The following AFAP1L1 variants were observed in gnomAD, a reference collection of about 807,000 sequenced individuals.
AFAP1L1 encodes the protein actin filament-associated protein 1-like 1.
A neutral mutation model predicts 99.8 loss-of-function variants in AFAP1L1; 77 were observed. The observed-to-expected ratio is 0.77, with a 90% CI of 0.64 to 0.93. The LOEUF (loss-of-function observed/expected upper bound fraction) is 0.93, where lower values mean the gene tolerates loss of function less well. Ranked by LOEUF, AFAP1L1 falls within the 40% of genes least tolerant of loss-of-function variation. AFAP1L1 has a pLI of 0.00. For missense variants in AFAP1L1, 893 were observed against 996.8 expected (o/e 0.90, Z 1.40); for synonymous variants, 373 against 395.3 (o/e 0.94, Z 0.67).
At chr5:149,273,283 C>CT (rs1390581972) in intron 1 of AFAP1L1, among the ~76,000 whole-genome samples, 4 of 151,558 alleles carry the variant, frequency 2.6e-5, no homozygotes, top group Non-Finnish European at 5.9e-5. Flanking sequence ...TCTCACACCT[C>CT]TCCCCCATCT....
At chr5:149,315,634 C>T (rs1383780695) in intron 9 of AFAP1L1, 187 bp from the exon 10 acceptor site, 3 of 593,152 alleles carry the variant, frequency 5.1e-6, no homozygotes, top group Non-Finnish European at 9.2e-6. Flanking sequence ...AAAGACACAA[C>T]CATATCTAAG....
chr5:149,326,601 A>T (rs868225752), intron 15 of AFAP1L1, among the ~76,000 whole-genome samples: 29 of 151,088 alleles, frequency 1.9e-4, no homozygotes, highest in Admixed American at 3.3e-4. Flanking sequence ...GAAATTTTTT[A>T]AAATAAAAAG....
At chr5:149,292,182 C>T (rs746256966) in intron 1 of AFAP1L1, among the ~76,000 whole-genome samples, 1 of 152,194 alleles carries the variant, frequency 6.6e-6, no homozygotes, top group Non-Finnish European at 1.5e-5. Context: ...TGATAGGAGC[C>T]AATACAGGGT....
chr5:149,293,980 C>A (rs147056436), intron 1 of AFAP1L1, among the ~76,000 whole-genome samples: 1 of 152,306 alleles, frequency 6.6e-6, no homozygotes, highest in Non-Finnish European at 1.5e-5. Flanking sequence ...AAGCAAGACT[C>A]CATGCTCCAG....
chr5:149,325,207 T>C (rs1757063247), intron 15 of AFAP1L1, among the ~76,000 whole-genome samples: 1 of 152,202 alleles, frequency 6.6e-6, no homozygotes. Context: ...TTGCTAAATC[T>C]TAGTAAGAAC....
At position 149,312,188 on chromosome 5, in the gene AFAP1L1, A is replaced by G. The variant is rs1445399067; in HGVS notation, c.1004A>G (p.Lys335Arg). ...EVPRSPVLLC[K>R]LDLDKRLSQE... ...CCCAGATCCCCAGTCCTCCTGTGCA[A>G]GTTGGACCTGGACAAGGTATATCTG... The change falls in exon 9 of 19, where the codon AAG becomes AGG. Residue 335 changes from lysine to arginine, a missense_variant. By Grantham distance (26) the Lys-to-Arg change is conservative (BLOSUM62 2). Coordinates refer to ENST00000296721, the MANE Select transcript of AFAP1L1 (RefSeq NM_152406.4). 1.9e-6 allele frequency: 3 copies of G among 1,614,162 alleles called. No homozygotes were observed. Among genetic ancestry groups the G allele is most frequent in the Middle Eastern group, 1.7e-4 (1 of 6,058 alleles).
intron 18 of AFAP1L1, among the ~76,000 whole-genome samples, chr5:149,338,816 G>A (rs1276478853): frequency 3.9e-5 from 6 of 152,188 alleles, no homozygotes; most frequent in Non-Finnish European, 8.8e-5. Flanking sequence ...GGAGTGTGAG[G>A]GAGAAACCCA....
chr5:149,299,725 C>A, intron 2 of AFAP1L1, 88 bp downstream of exon 2: 1 of 1,572,386 alleles, frequency 6.4e-7, no homozygotes. Flanking sequence ...TGCAGGAACC[C>A]TCCGCCCCAC....
Position 149,320,419 on chromosome 5 carries a change from C to T in AFAP1L1, c.1654C>T (p.Pro552Ser). The change falls in exon 14 of 19, where the codon CCT becomes TCT. Residue 552 changes from proline to serine, a missense_variant. Coordinates refer to ENST00000296721, the MANE Select transcript of AFAP1L1 (RefSeq NM_152406.4). This position sits in a 1 kb window ranked among gnomAD's most constrained non-coding sequence, Gnocchi z 4.0. ...TGCAAGATCCTGCCAGAATCAGTGG[C>T]CTGAGCCCCGAGTCTATGATGATGT... Reference protein sequence around the residue: ...LYARSCQNQWPEPRVYDDVPY... With the variant: ...LYARSCQNQWSEPRVYDDVPY... 1.2e-6 allele frequency: 2 copies of T among 1,614,196 alleles called. No individual in the cohort carries two copies. The highest frequency in any genetic ancestry group is 1.6e-4 in the Middle Eastern group (1 of 6,062).
At chr5:149,333,479 G>A (rs1277146939) in intron 17 of AFAP1L1, among the ~76,000 whole-genome samples, 1 of 152,132 alleles carries the variant, frequency 6.6e-6, no homozygotes, top group Non-Finnish European at 1.5e-5. Flanking sequence ...AGGGTACCAG[G>A]CCCTGTCCTC....
intron 7 of AFAP1L1, among the ~76,000 whole-genome samples, chr5:149,309,544 G>T (rs1756544220): frequency 6.6e-6 from 1 of 152,080 alleles, no homozygotes; most frequent in Non-Finnish European, 1.5e-5. Context: ...AAATGGGGAA[G>T]TGAGAATCAT....
Position 149,316,223 on chromosome 5 carries a change from G to GT in AFAP1L1, c.1188dup (p.Ile397TyrfsTer13), listed in dbSNP as rs1227924505. The GT allele has an allele frequency of 6.2e-7, 1 of 1,613,976 alleles. No individual in the cohort carries two copies. Among genetic ancestry groups the GT allele is most frequent in the Non-Finnish European group, 8.5e-7 (1 of 1,180,016 alleles). ...AGGGCTGCGGGCCGCAAGATCACCC[G>GT]TATCATTGGCTTCTCCAAGAAGAAG... On this transcript the variant is annotated frameshift_variant, in exon 11 of 19. Coordinates refer to ENST00000296721, the MANE Select transcript of AFAP1L1 (RefSeq NM_152406.4). LOFTEE classifies it high-confidence loss of function.
Position 149,329,796 on chromosome 5 carries a change from GAGGGAACTGA to G in AFAP1L1, c.1945_1954del (p.Glu649LysfsTer11), listed in dbSNP as rs1294672805. 2 of 1,613,298 alleles carry G rather than the reference GAGGGAACTGA, an allele frequency of 1.2e-6. No homozygotes were observed. The highest frequency in any genetic ancestry group is 1.7e-6 in the Non-Finnish European group (2 of 1,179,640). On this transcript the variant is annotated frameshift_variant, in exon 16 of 19. Transcript: ENST00000296721. LOFTEE classifies it high-confidence loss of function. The stretch of plus-strand genomic sequence containing the variant: ...AGCTGATAGCACTGAGACAGGAGAA[GAGGGAACTGA>G]AGGAAGCCATTCGGAGCAGCCCAGG...
chr5:149,294,986 G>T (rs1315094801), intron 1 of AFAP1L1, among the ~76,000 whole-genome samples: 1 of 152,180 alleles, frequency 6.6e-6, no homozygotes, highest in Non-Finnish European at 1.5e-5. Context: ...CCTTTGTAGG[G>T]CGCTGGAGGA....
rs1581332944 is a variant in AFAP1L1, at chr5:149,320,796, T to C, written c.1698+333T>C. Among the ~76,000 whole-genome samples the C allele has an allele frequency of 6.6e-6, 1 of 152,214 alleles. No individual in the cohort carries two copies. Among genetic ancestry groups the C allele is most frequent in the East Asian group, 1.9e-4 (1 of 5,198 alleles). On this transcript the variant is annotated intron_variant, in intron 14 of 18. Transcript: ENST00000296721. The surrounding 1 kb of genome is among the most constrained non-coding windows in gnomAD (Gnocchi z 4.0). Reference sequence around the variant, plus strand: ...CCACTCTGTGAACTTATCCTGCTGATTCCGTGGTGTCTGGGGCAGGTCCTG... The same window carrying C: ...CCACTCTGTGAACTTATCCTGCTGACTCCGTGGTGTCTGGGGCAGGTCCTG...
At chr5:149,283,959 C>T (rs1755600564) in intron 1 of AFAP1L1, among the ~76,000 whole-genome samples, 1 of 152,184 alleles carries the variant, frequency 6.6e-6, no homozygotes, top group Non-Finnish European at 1.5e-5. Context: ...GAAACTTGGT[C>T]ACCGATGCCT....
chr5:149,325,638 T>C (rs78064730), intron 15 of AFAP1L1, among the ~76,000 whole-genome samples: 2,645 of 152,324 alleles, frequency 0.017, 33 homozygotes, highest in Middle Eastern at 0.041. Flanking sequence ...AACAGGAATG[T>C]CACTCCAAGA....
At chr5:149,274,639 G>A (rs1461696522) in intron 1 of AFAP1L1, among the ~76,000 whole-genome samples, 1 of 152,222 alleles carries the variant, frequency 6.6e-6, no homozygotes, top group African/African-American at 2.4e-5. Flanking sequence ...AACACTTTGG[G>A]AGGCCAAGGT....
chr5:149,305,820 C>T (rs1376364406), intron 5 of AFAP1L1, among the ~76,000 whole-genome samples: 3 of 151,672 alleles, frequency 2.0e-5, no homozygotes, highest in Admixed American at 1.3e-4. Flanking sequence ...GAGGTCTCAG[C>T]CCAAGCAACT....
Sources: gnomAD v4.1 joint callset for allele counts (sites outside exome capture counted in the v4.1 genomes callset) on GRCh38, gnomAD v4.1.1 for gene constraint, Gnocchi (gnomAD v3.1) non-coding constraint, MANE v1.5 for transcripts, NCBI Gene and HGNC (gene_info 2026-07-23, HGNC 2026-07-21) for gene names.